Variants in ARID1B observed in about 807,000 individuals in gnomAD.
ARID1B encodes the protein AT-rich interaction domain 1B.
ARID1B carries 30 observed loss-of-function variants against 212.3 expected under a neutral mutation model. That is an observed-to-expected ratio of 0.14 (90% CI 0.11 to 0.19). The LOEUF is 0.19. ARID1B is among the 10% of genes least tolerant of loss of function. The probability of loss-of-function intolerance (pLI) is 1.00; values close to 1 mark genes in which losing one functional copy is unlikely to be tolerated. For synonymous variants in ARID1B, 1,402 were observed against 1,301.7 expected (o/e 1.08, Z -1.66); for missense variants, 2,891 against 3,204.0 (o/e 0.90, Z 2.36).
chr6:157,088,340 A>G (rs528883781), intron 5 of ARID1B, among the ~76,000 whole-genome samples: 1 of 152,290 alleles, frequency 6.6e-6, no homozygotes, highest in East Asian at 1.9e-4. Context: ...TCCCACAGCT[A>G]AGCCGAGGGC....
chr6:157,118,276 C>G (rs898383843), intron 6 of ARID1B, among the ~76,000 whole-genome samples: 10 of 152,152 alleles, frequency 6.6e-5, no homozygotes, highest in Non-Finnish European at 1.3e-4. Context: ...CCGTGTTGTT[C>G]TTCTTTCTAT....
intron 5 of ARID1B, among the ~76,000 whole-genome samples, chr6:157,096,649 C>T (rs920614668): frequency 2.0e-5 from 3 of 152,214 alleles, no homozygotes; most frequent in Middle Eastern, 3.2e-3. Flanking sequence ...AGAGCTTAGC[C>T]GTGCCCAGGC....
At chr6:157,076,856 C>G (rs1001845108) in intron 4 of ARID1B, among the ~76,000 whole-genome samples, 2 of 152,208 alleles carry the variant, frequency 1.3e-5, no homozygotes, top group African/African-American at 2.4e-5. Flanking sequence ...AAACCCATCT[C>G]TCTCTCTTCC....
chr6:157,058,205 G>A (rs187543068), intron 4 of ARID1B, among the ~76,000 whole-genome samples: 148 of 151,924 alleles, frequency 9.7e-4, no homozygotes, highest in African/African-American at 3.4e-3. Flanking sequence ...CCAGCTGAAC[G>A]CCATCAGGCT....
intron 6 of ARID1B, among the ~76,000 whole-genome samples, chr6:157,122,745 C>A (rs1410962204): frequency 6.6e-6 from 1 of 152,184 alleles, no homozygotes; most frequent in Non-Finnish European, 1.5e-5. Context: ...GTGGCGTGAT[C>A]TGGGCTCACT....
intron 2 of ARID1B, among the ~76,000 whole-genome samples, chr6:156,871,026 A>G (rs1786085337): frequency 6.6e-6 from 1 of 152,240 alleles, no homozygotes; most frequent in Non-Finnish European, 1.5e-5. Context: ...ATTATGCCTA[A>G]AAGAGATTAG....
intron 6 of ARID1B, among the ~76,000 whole-genome samples, chr6:157,115,389 T>G (rs1787257482): frequency 6.6e-6 from 1 of 152,142 alleles, no homozygotes; most frequent in African/African-American, 2.4e-5. Flanking sequence ...AGTATAAAAC[T>G]TGATTTAGTA....
chr6:156,913,127 T>TA (rs1790035735), intron 3 of ARID1B, among the ~76,000 whole-genome samples: 3 of 151,802 alleles, frequency 2.0e-5, no homozygotes, highest in African/African-American at 7.2e-5. Flanking sequence ...GTAGAGTGAG[T>TA]ACATCTAGCT....
At chr6:157,126,282 G>C (rs367711799) in intron 6 of ARID1B, among the ~76,000 whole-genome samples, 1 of 152,134 alleles carries the variant, frequency 6.6e-6, no homozygotes. Flanking sequence ...AGCAAGATGT[G>C]CGTTCTTCAC....
chr6:157,167,945 T>C (rs1296609568), intron 9 of ARID1B: 1 of 152,256 alleles, frequency 6.6e-6, no homozygotes, highest in Non-Finnish European at 1.5e-5. Context: ...CAGCGACCTG[T>C]TACTCTCTGT....
chr6:157,088,263 A>C (rs1231997164), intron 5 of ARID1B, among the ~76,000 whole-genome samples: 2 of 152,210 alleles, frequency 1.3e-5, no homozygotes, highest in Non-Finnish European at 2.9e-5. Flanking sequence ...TACCCTCAGT[A>C]ACCTTGTCCT....
At chr6:156,925,762 G>A (rs985027428) in intron 3 of ARID1B, among the ~76,000 whole-genome samples, 5 of 152,026 alleles carry the variant, frequency 3.3e-5, no homozygotes, top group African/African-American at 7.2e-5. Flanking sequence ...GGAAACTATC[G>A]ATGTGGACTG....
At chr6:156,999,490 A>G (rs1260726218) in intron 4 of ARID1B, among the ~76,000 whole-genome samples, 2 of 152,236 alleles carry the variant, frequency 1.3e-5, no homozygotes, top group Non-Finnish European at 2.9e-5. Flanking sequence ...CAGCAAATAC[A>G]AAACAAGAGC....
rs533509850 is a variant in ARID1B, at chr6:156,872,957, T to A, written c.1987-28419T>A. Among the ~76,000 whole-genome samples the A allele has an allele frequency of 2.6e-5, 4 of 152,340 alleles. No individual in the cohort carries two copies. In the South Asian group the frequency reaches 8.3e-4, roughly 32 times the overall value. ...GGACACTCCCCTCCTGCTCTGAGGCTACTCCGTGTGCTGAAGACCCCTCTA... is the reference window on the plus strand; with the variant it reads ...GGACACTCCCCTCCTGCTCTGAGGCAACTCCGTGTGCTGAAGACCCCTCTA... On this transcript the variant is annotated intron_variant, in intron 2 of 19. Transcript: ENST00000636930.
intron 4 of ARID1B, among the ~76,000 whole-genome samples, chr6:157,001,319 G>A (rs761806523): frequency 1.1e-4 from 17 of 152,146 alleles, no homozygotes; most frequent in Non-Finnish European, 1.8e-4. Context: ...AGCCGAGATC[G>A]AATCTGTGTT....
At chr6:156,944,453 A>G (rs1360652066) in intron 4 of ARID1B, among the ~76,000 whole-genome samples, 1 of 152,138 alleles carries the variant, frequency 6.6e-6, no homozygotes, top group Non-Finnish European at 1.5e-5. Flanking sequence ...CTGTATGATC[A>G]GTTTGGGAGC....
chr6:157,180,103 A>G (rs1447975533), intron 11 of ARID1B, among the ~76,000 whole-genome samples: 1 of 152,196 alleles, frequency 6.6e-6, no homozygotes, highest in African/African-American at 2.4e-5. Flanking sequence ...AAATACAGAG[A>G]TATAAATAAG....
chr6:156,913,076 A>C (rs1300719226), intron 3 of ARID1B, among the ~76,000 whole-genome samples: 1 of 141,302 alleles, frequency 7.1e-6, no homozygotes, highest in African/African-American at 2.6e-5. Flanking sequence ...GTATGTATTT[A>C]CTGTGTACAA....
chr6:157,160,999 G>A (rs577044928), intron 8 of ARID1B, among the ~76,000 whole-genome samples: 1 of 152,284 alleles, frequency 6.6e-6, no homozygotes, highest in African/African-American at 2.4e-5. Context: ...GGTTGTGTTT[G>A]TTTTTAGTCT....
Sources: gnomAD v4.1 joint callset for allele counts (sites outside exome capture counted in the v4.1 genomes callset) on GRCh38, gnomAD v4.1.1 for gene constraint, MANE v1.5 for transcripts, NCBI Gene and HGNC (gene_info 2026-07-23, HGNC 2026-07-21) for gene names.